Variants in ZFAND3 observed in about 807,000 individuals in gnomAD.
ZFAND3 encodes zinc finger AN1-type containing 3.
A neutral mutation model predicts 29.6 loss-of-function variants in ZFAND3; 10 were observed. That is an observed-to-expected ratio of 0.34 (90% CI 0.21 to 0.57). The LOEUF is 0.57. Ranked by LOEUF, ZFAND3 falls within the 20% of genes least tolerant of loss-of-function variation. ZFAND3 has a pLI of 0.86. For synonymous variants in ZFAND3, 128 were observed against 112.6 expected (o/e 1.14, Z -0.87); for missense variants, 230 against 304.5 (o/e 0.76, Z 1.82).
At chr6:37,902,548 A>G (rs1315395564) in intron 1 of ZFAND3, among the ~76,000 whole-genome samples, 7 of 152,134 alleles carry the variant, frequency 4.6e-5, no homozygotes, top group African/African-American at 1.7e-4. Flanking sequence ...AAAAATTATA[A>G]AAGAAAATGT....
intron 5 of ZFAND3, among the ~76,000 whole-genome samples, chr6:38,135,595 A>T (rs1765823673): frequency 6.6e-6 from 1 of 152,106 alleles, no homozygotes; most frequent in East Asian, 1.9e-4. Context: ...AAATACAAAA[A>T]TTAGCCAGGT....
At chr6:38,074,584 C>G (rs1350299521) in intron 3 of ZFAND3, among the ~76,000 whole-genome samples, 1 of 152,170 alleles carries the variant, frequency 6.6e-6, no homozygotes, top group Non-Finnish European at 1.5e-5. Context: ...GAAGCCATCT[C>G]CATAAAAGTG....
chr6:38,145,157 C>T (rs1766077688), intron 5 of ZFAND3, among the ~76,000 whole-genome samples: 1 of 152,190 alleles, frequency 6.6e-6, no homozygotes, highest in African/African-American at 2.4e-5. Context: ...CCCACCTCTC[C>T]AGACCCCTTA....
chr6:37,974,589 T>C (rs926654892), intron 2 of ZFAND3, among the ~76,000 whole-genome samples: 2 of 151,810 alleles, frequency 1.3e-5, no homozygotes, highest in African/African-American at 4.8e-5. Flanking sequence ...AGAGATAGGG[T>C]CTTGCTGTGC....
chr6:37,976,637 C>G (rs1226824637), intron 2 of ZFAND3, among the ~76,000 whole-genome samples: 1 of 121,854 alleles, frequency 8.2e-6, no homozygotes, highest in Admixed American at 8.0e-5. Flanking sequence ...AATTTATAAA[C>G]AAAAGAGGTT....
intron 1 of ZFAND3, among the ~76,000 whole-genome samples, chr6:37,861,116 G>A (rs1044514668): frequency 3.9e-5 from 6 of 151,996 alleles, no homozygotes; most frequent in Non-Finnish European, 7.4e-5. Flanking sequence ...AATTAGCCAG[G>A]CATGGTGGCA....
intron 1 of ZFAND3, among the ~76,000 whole-genome samples, chr6:37,898,145 C>T (rs1765254219): frequency 6.6e-6 from 1 of 152,128 alleles, no homozygotes; most frequent in Non-Finnish European, 1.5e-5. Flanking sequence ...CGAGTTCATT[C>T]TTCTAGTTTT....
intron 4 of ZFAND3, among the ~76,000 whole-genome samples, chr6:38,098,864 G>A (rs1043805910): frequency 6.6e-6 from 1 of 151,970 alleles, no homozygotes; most frequent in East Asian, 1.9e-4. Flanking sequence ...TGGAAACTTT[G>A]TCTTCAATAC....
chr6:37,845,086 T>G (rs138881036), intron 1 of ZFAND3, among the ~76,000 whole-genome samples: 2 of 151,288 alleles, frequency 1.3e-5, no homozygotes, highest in Non-Finnish European at 2.9e-5. Flanking sequence ...GAGACTGGCA[T>G]AGCATCACTT....
At chr6:37,824,994 A>G (rs1274504271) in intron 1 of ZFAND3, among the ~76,000 whole-genome samples, 4 of 152,236 alleles carry the variant, frequency 2.6e-5, no homozygotes, top group African/African-American at 4.8e-5. Flanking sequence ...ATTTTTGGCA[A>G]TCATAAGATA....
rs569699959 is a variant in ZFAND3, at chr6:37,861,935, G to A, written c.71+41919G>A. Among the ~76,000 whole-genome samples, 195 of 152,276 alleles carry A rather than the reference G, an allele frequency of 1.3e-3. 1 individual carries two copies. Among genetic ancestry groups the A allele is most frequent in the African/African-American group, 1.8e-3 (73 of 41,558 alleles). ...TGTGTTTTGCTGCTCTGCATCATAAGCATTTTCTTATAATCTTTCCCAGTG... is the reference window on the plus strand; with the variant it reads ...TGTGTTTTGCTGCTCTGCATCATAAACATTTTCTTATAATCTTTCCCAGTG... On this transcript the variant is annotated intron_variant, in intron 1 of 5. Transcript: ENST00000287218.
At chr6:38,136,230 T>TGTC (rs1765840228) in intron 5 of ZFAND3, among the ~76,000 whole-genome samples, 1 of 152,214 alleles carries the variant, frequency 6.6e-6, no homozygotes, top group Non-Finnish European at 1.5e-5. Context: ...CCACCTGTAC[T>TGTC]GTCTAGTGTA....
intron 1 of ZFAND3, among the ~76,000 whole-genome samples, chr6:37,906,371 T>C (rs1386055771): frequency 1.3e-5 from 2 of 152,224 alleles, no homozygotes; most frequent in Non-Finnish European, 2.9e-5. Context: ...AACTTCCATT[T>C]TTTTTAAATG....
intron 4 of ZFAND3, among the ~76,000 whole-genome samples, chr6:38,102,359 G>T (rs1055782704): frequency 1.3e-5 from 2 of 152,112 alleles, no homozygotes; most frequent in African/African-American, 2.4e-5. Flanking sequence ...GTGTGTTTTT[G>T]ATAAAAATTC....
intron 5 of ZFAND3, chr6:38,142,290 A>G: frequency 2.1e-6 from 1 of 471,568 alleles, no homozygotes; most frequent in Non-Finnish European, 4.4e-6. Flanking sequence ...TGTGGCATTT[A>G]TAGTCTGATG....
At chr6:37,876,485 T>G (rs1400919884) in intron 1 of ZFAND3, among the ~76,000 whole-genome samples, 1 of 152,128 alleles carries the variant, frequency 6.6e-6, no homozygotes, top group Non-Finnish European at 1.5e-5. Flanking sequence ...CAATAAAATA[T>G]AGAAGAAAAT....
At chr6:38,054,224 A>G (rs940378552) in intron 2 of ZFAND3, among the ~76,000 whole-genome samples, 1 of 150,774 alleles carries the variant, frequency 6.6e-6, no homozygotes, top group Non-Finnish European at 1.5e-5. Flanking sequence ...CTATCAAAAA[A>G]AAAAAAAAAA....
chr6:37,831,057 G>A (rs1482993311), intron 1 of ZFAND3, among the ~76,000 whole-genome samples: 1 of 152,142 alleles, frequency 6.6e-6, no homozygotes, highest in Non-Finnish European at 1.5e-5. Flanking sequence ...AAGTGGCTAG[G>A]CATGGGTTTT....
At chr6:37,997,822 G>T (rs1182768349) in intron 2 of ZFAND3, among the ~76,000 whole-genome samples, 1 of 152,168 alleles carries the variant, frequency 6.6e-6, no homozygotes, top group Non-Finnish European at 1.5e-5. Flanking sequence ...AGAGTGGCTA[G>T]CACATGTGCA....
Sources: gnomAD v4.1 joint callset for allele counts (sites outside exome capture counted in the v4.1 genomes callset) on GRCh38, gnomAD v4.1.1 for gene constraint, MANE v1.5 for transcripts, NCBI Gene and HGNC (gene_info 2026-07-23, HGNC 2026-07-21) for gene names.